The following MYCBP2 variants were observed in gnomAD, a reference collection of about 807,000 sequenced individuals.
The protein encoded by MYCBP2 is MYC binding protein 2.
MYCBP2 carries 120 observed loss-of-function variants against 525.3 expected under a neutral mutation model. The ratio of observed to expected loss-of-function variants is 0.23; its 90% CI spans 0.20 to 0.27. The LOEUF (loss-of-function observed/expected upper bound fraction) is 0.27. MYCBP2 is among the 10% of genes least tolerant of loss of function. The pLI, the probability that MYCBP2 is intolerant of heterozygous loss-of-function variation, is 1.00. For synonymous variants in MYCBP2, 1,894 were observed against 1,955.8 expected (o/e 0.97, Z 0.83); for missense variants, 4,149 against 5,657.1 (o/e 0.73, Z 8.55).
chr13:77,100,350 T>C (rs2046884766), intron 55 of MYCBP2: 1 of 152,084 alleles, frequency 6.6e-6, no homozygotes. Flanking sequence ...GCAGGTATTT[T>C]TGTCTGTTAC....
chr13:77,257,903 G>T, intron 13 of MYCBP2, 74 bp from the exon 14 acceptor site: 2 of 1,225,806 alleles, frequency 1.6e-6, no homozygotes, highest in Non-Finnish European at 1.1e-6. Flanking sequence ...CTACCTCAAT[G>T]CAGAACCGTT....
At chr13:77,314,586 G>A (rs1056664785) in intron 1 of MYCBP2, among the ~76,000 whole-genome samples, 4 of 152,024 alleles carry the variant, frequency 2.6e-5, no homozygotes, top group African/African-American at 4.8e-5. Context: ...GAGACAGTAA[G>A]TGATTACCTG....
At chr13:77,153,105 A>C (rs1221749195) in intron 46 of MYCBP2, among the ~76,000 whole-genome samples, 1 of 150,734 alleles carries the variant, frequency 6.6e-6, no homozygotes, top group Non-Finnish European at 1.5e-5. Flanking sequence ...GTATTCACGC[A>C]TTCATCGCGT....
At chr13:77,243,593 A>G (rs2069273909) in intron 16 of MYCBP2, among the ~76,000 whole-genome samples, 1 of 151,668 alleles carries the variant, frequency 6.6e-6, no homozygotes, top group Non-Finnish European at 1.5e-5. Context: ...AGCCTTGGCA[A>G]CAGAGCAAGA....
At chr13:77,173,975 G>C (rs1006265480) in intron 37 of MYCBP2, among the ~76,000 whole-genome samples, 2 of 152,196 alleles carry the variant, frequency 1.3e-5, no homozygotes, top group Non-Finnish European at 2.9e-5. Flanking sequence ...TCATTAGTTT[G>C]AGGTATTTTA....
chr13:77,281,107 A>G (rs1567143703), intron 3 of MYCBP2, among the ~76,000 whole-genome samples: 1 of 152,194 alleles, frequency 6.6e-6, no homozygotes, highest in Non-Finnish European at 1.5e-5. Flanking sequence ...GTAGACTTTA[A>G]AACAGTTTGA....
intron 42 of MYCBP2, among the ~76,000 whole-genome samples, 185 bp from the exon 43 acceptor site, chr13:77,164,726 T>C (rs1338323630): frequency 1.3e-5 from 2 of 152,304 alleles, no homozygotes; most frequent in South Asian, 2.1e-4. Flanking sequence ...GTTATAAGGT[T>C]CAGGTTTAAA....
intron 20 of MYCBP2, among the ~76,000 whole-genome samples, 169 bp downstream of exon 20, chr13:77,224,282 A>G (rs904735845): frequency 6.6e-6 from 1 of 152,162 alleles, no homozygotes. Flanking sequence ...ACTCAACCAT[A>G]AGATCAGAAA....
rs1270778424 is a variant in MYCBP2, at chr13:77,067,809, C to G, written c.12227G>C (p.Ser4076Thr). 1.2e-6 allele frequency: 2 copies of G among 1,614,150 alleles called. No homozygotes were observed. Among genetic ancestry groups the G allele is most frequent in the East Asian group, 4.5e-5 (2 of 44,884 alleles). The stretch of plus-strand genomic sequence containing the variant: ...GGGGAGGGATTTCACTCCTATGATG[C>G]TGGCCAGACGACTAGGGGTTACTTC... ...LPEVTPSRLA[S>T]IIGVKSLPPA... Residue 4076 changes from serine to threonine, a missense_variant, in exon 71 of 83, where the codon AGC becomes ACC. Transcript: ENST00000544440.
chr13:77,202,662 C>T (rs868610983), intron 26 of MYCBP2, among the ~76,000 whole-genome samples: 12 of 151,572 alleles, frequency 7.9e-5, no homozygotes, highest in East Asian at 1.9e-4. Context: ...ACTGGCAAAA[C>T]GAATCCAGCA....
intron 82 of MYCBP2, among the ~76,000 whole-genome samples, chr13:77,048,230 G>C (rs1220406981): frequency 1.3e-5 from 2 of 152,008 alleles, no homozygotes; most frequent in African/African-American, 4.8e-5. Flanking sequence ...GCCCTTCCAC[G>C]ACAGCAAGAA....
chr13:77,111,371 A>G (rs2048790383), intron 55 of MYCBP2, among the ~76,000 whole-genome samples: 1 of 151,856 alleles, frequency 6.6e-6, no homozygotes, highest in South Asian at 2.1e-4. Flanking sequence ...ATTACCTTTC[A>G]AAACAGAGCA....
chr13:77,088,414 G>A (rs953046213), intron 61 of MYCBP2, among the ~76,000 whole-genome samples: 2 of 152,022 alleles, frequency 1.3e-5, no homozygotes, highest in African/African-American at 2.4e-5. Flanking sequence ...ATATAGGCCT[G>A]TAATATACAG....
chr13:77,260,377 A>G, intron 13 of MYCBP2, 51 bp downstream of exon 13: 1 of 1,313,056 alleles, frequency 7.6e-7, no homozygotes, highest in Non-Finnish European at 1.0e-6. Context: ...TGTCATACAT[A>G]ACTAGTATTG....
chr13:77,201,036 A>T (rs2062470523), intron 26 of MYCBP2, among the ~76,000 whole-genome samples: 1 of 152,164 alleles, frequency 6.6e-6, no homozygotes, highest in Non-Finnish European at 1.5e-5. Context: ...AAATTCACAC[A>T]TAACAATATT....
chr13:77,169,405 A>G (rs1407508413), intron 39 of MYCBP2, among the ~76,000 whole-genome samples: 2 of 151,270 alleles, frequency 1.3e-5, no homozygotes, highest in African/African-American at 4.8e-5. Context: ...CAAAAAAAAA[A>G]AAAAAAAAAA....
At chr13:77,066,984 C>A (rs996773719) in intron 71 of MYCBP2, among the ~76,000 whole-genome samples, 15 of 152,066 alleles carry the variant, frequency 9.9e-5, no homozygotes, top group African/African-American at 3.4e-4. Context: ...GCTAACAAGT[C>A]ATTGTCTATT....
intron 15 of MYCBP2, among the ~76,000 whole-genome samples, chr13:77,249,057 A>G (rs1301130788): frequency 6.6e-6 from 1 of 152,226 alleles, no homozygotes. Context: ...AGGTACCTAG[A>G]GTAGTCAATC....
Position 77,090,203 on chromosome 13 carries a change from T to A in MYCBP2, c.10428A>T (p.Ser3476=). 6.2e-7 allele frequency: 1 copy of A among 1,612,912 alleles called. No homozygotes were observed. The part of the protein sequence containing the change: ...DLAKRTVFQR[S]YSVVASEYDK... ...CATATTCGGAAGCAACAACTGAGTA[T>A]GATCTTTGGAAGACAGTTCTCTTTG... The change falls in exon 60 of 83, where the codon TCA becomes TCT. Residue 3476 remains serine, a synonymous_variant. Transcript: ENST00000544440.
Sources: allele counts gnomAD v4.1 joint callset (sites outside exome capture counted in the v4.1 genomes callset), GRCh38; gene constraint gnomAD v4.1.1; transcripts MANE v1.5; gene names NCBI Gene and HGNC (gene_info 2026-07-23, HGNC 2026-07-21).